OPRM1: variants seen among roughly 807,000 people sequenced by gnomAD.
OPRM1 encodes opioid receptor mu 1.
OPRM1 carries 27 observed loss-of-function variants against 31.8 expected under a neutral mutation model. The ratio of observed to expected loss-of-function variants is 0.85; its 90% CI spans 0.63 to 1.17. The LOEUF is 1.17. Ranked by LOEUF, OPRM1 falls within the 50% of genes most tolerant of loss-of-function variation. The pLI is 0.00. For missense variants in OPRM1, 536 were observed against 511.1 expected (o/e 1.05, Z -0.47); for synonymous variants, 196 against 189.9 (o/e 1.03, Z -0.26).
At chr6:154,077,887 T>TA (rs200255754) in intron 1 of OPRM1, among the ~76,000 whole-genome samples, 1 of 151,502 alleles carries the variant, frequency 6.6e-6, no homozygotes, top group Admixed American at 6.6e-5. Context: ...TTTTTTTTTT[T>TA]AACTCATATC....
chr6:154,089,473 A>G (rs1406264867), intron 1 of OPRM1, among the ~76,000 whole-genome samples: 1 of 151,350 alleles, frequency 6.6e-6, no homozygotes, highest in African/African-American at 2.4e-5. Flanking sequence ...CTGGGATCCC[A>G]GTTATTCAGG....
intron 1 of OPRM1, among the ~76,000 whole-genome samples, chr6:154,089,080 A>T (rs186084054): frequency 2.0e-4 from 30 of 152,224 alleles, no homozygotes; most frequent in African/African-American, 6.7e-4. Context: ...TGTGCCCCAT[A>T]ATCGCCTGTG....
At chr6:154,084,676 C>T (rs1583442706) in intron 1 of OPRM1, among the ~76,000 whole-genome samples, 1 of 146,374 alleles carries the variant, frequency 6.8e-6, no homozygotes, top group African/African-American at 2.5e-5. Context: ...GGTAAGTGGA[C>T]ATAAAAGTCA....
intron 3 of OPRM1, among the ~76,000 whole-genome samples, chr6:154,201,835 C>T (rs562610577): frequency 1.3e-5 from 2 of 152,272 alleles, no homozygotes; most frequent in African/African-American, 4.8e-5. Context: ...GCGGAAGTTG[C>T]AGTGAGCCAA....
intron 3 of OPRM1, among the ~76,000 whole-genome samples, chr6:154,178,074 G>A (rs1414851663): frequency 6.6e-6 from 1 of 151,198 alleles, no homozygotes; most frequent in Non-Finnish European, 1.5e-5. Context: ...TCACTCATAA[G>A]TGGGAGTTGA....
intron 3 of OPRM1, among the ~76,000 whole-genome samples, chr6:154,184,285 T>A (rs918060998): frequency 1.1e-4 from 17 of 152,118 alleles, no homozygotes; most frequent in African/African-American, 4.1e-4. Flanking sequence ...TGTAACACTC[T>A]GTAATAATAA....
In OPRM1 at chr6:154,130,193, G is replaced by A. The variant is rs1233817882; in HGVS notation, c.*11472G>A. 3.1e-5 allele frequency among the ~76,000 whole-genome samples: 4 copies of A among 130,316 alleles called. No individual in the cohort carries two copies. Among genetic ancestry groups the A allele is most frequent in the Admixed American group, 2.5e-4 (3 of 12,058 alleles). The allele number at this position is 130,316 out of a possible 152,430, so 85.5% of individuals were successfully genotyped here. On this transcript the variant is annotated 3_prime_UTR_variant, in exon 4 of 4. Coordinates refer to ENST00000330432, the MANE Select transcript of OPRM1 (RefSeq NM_000914.5). ...TTCTTTTTTTTTTTTTTTTTTGATG[G>A]AGTCTCACTCTGTCGCCCAGGCTGG...
chr6:154,084,346 T>C (rs1473770031), intron 1 of OPRM1, among the ~76,000 whole-genome samples: 1 of 152,196 alleles, frequency 6.6e-6, no homozygotes, highest in Non-Finnish European at 1.5e-5. Context: ...TCCATGTTAA[T>C]GCCAATGAGA....
At chr6:154,235,173 T>C (rs916095398) in intron 3 of OPRM1, among the ~76,000 whole-genome samples, 2 of 152,228 alleles carry the variant, frequency 1.3e-5, no homozygotes, top group Admixed American at 6.5e-5. Flanking sequence ...GGGAGAAGAA[T>C]AGATAAAGGA....
At chr6:154,207,895 G>T (rs771523131) in intron 3 of OPRM1, among the ~76,000 whole-genome samples, 72 of 152,144 alleles carry the variant, frequency 4.7e-4, no homozygotes, top group Admixed American at 1.9e-3. Flanking sequence ...TCTCATATTT[G>T]ATCTGCCTAT....
intron 3 of OPRM1, among the ~76,000 whole-genome samples, chr6:154,110,937 TGACTGATTACACCATTCA>T (rs1235772380): frequency 6.6e-6 from 1 of 150,522 alleles, no homozygotes; most frequent in East Asian, 2.0e-4. Flanking sequence ...TTTCTGGGTT[TGACTGATTACACCATTCA>T]GACTCCAGGG....
intron 3 of OPRM1, among the ~76,000 whole-genome samples, chr6:154,103,469 A>G (rs1006366930): frequency 6.6e-6 from 1 of 152,222 alleles, no homozygotes; most frequent in Non-Finnish European, 1.5e-5. Flanking sequence ...TTGTGTTTCT[A>G]ACAATAGATT....
intron 1 of OPRM1, among the ~76,000 whole-genome samples, chr6:154,018,505 C>CTTTTTTTTTTTTT (rs747320275): frequency 7.1e-6 from 1 of 141,218 alleles, no homozygotes; most frequent in Non-Finnish European, 1.5e-5. Context: ...CCCGTTAATT[C>CTTTTTTTTTTTTT]TTTTTTTTTT....
chr6:154,141,923 T>C (rs1383147886), intron 3 of OPRM1, among the ~76,000 whole-genome samples: 1 of 152,208 alleles, frequency 6.6e-6, no homozygotes, highest in Non-Finnish European at 1.5e-5. Flanking sequence ...CATCTCCCAA[T>C]CCACAAGCCT....
chr6:154,169,669 C>T (rs1336808277), intron 3 of OPRM1, among the ~76,000 whole-genome samples: 1 of 152,164 alleles, frequency 6.6e-6, no homozygotes, highest in African/African-American at 2.4e-5. Flanking sequence ...ACTCCATCTC[C>T]CTTCCTAACC....
intron 1 of OPRM1, among the ~76,000 whole-genome samples, chr6:154,076,852 G>A (rs935768646): frequency 6.6e-6 from 1 of 151,920 alleles, no homozygotes; most frequent in Middle Eastern, 3.2e-3. Context: ...ATACTTCCGG[G>A]TTTTATTTTA....
chr6:154,038,291 A>T (rs377023245), upstream of OPRM1, among the ~76,000 whole-genome samples: 38 of 152,334 alleles, frequency 2.5e-4, no homozygotes, highest in African/African-American at 8.9e-4. Context: ...ACATGTACAG[A>T]AATGAGAATT....
chr6:154,191,142 A>T (rs1801845738), intron 3 of OPRM1, among the ~76,000 whole-genome samples: 1 of 152,216 alleles, frequency 6.6e-6, no homozygotes, highest in Non-Finnish European at 1.5e-5. Context: ...CCAATCTGAA[A>T]AGGGTACATA....
At chr6:154,193,496 A>G (rs1229454588) in intron 3 of OPRM1, among the ~76,000 whole-genome samples, 1 of 152,222 alleles carries the variant, frequency 6.6e-6, no homozygotes, top group African/African-American at 2.4e-5. Context: ...CCAAAAACCT[A>G]TGGAAATAAC....
Sources: allele counts gnomAD v4.1 joint callset (sites outside exome capture counted in the v4.1 genomes callset), GRCh38; gene constraint gnomAD v4.1.1; transcripts MANE v1.5; gene names NCBI Gene and HGNC (gene_info 2026-07-23, HGNC 2026-07-21).